The following SLC30A7 variants were observed in gnomAD, a reference collection of about 807,000 sequenced individuals.
SLC30A7 encodes solute carrier family 30 member 7, also known as zinc transporter 7.
SLC30A7 carries 35 observed loss-of-function variants against 46.0 expected under a neutral mutation model. The ratio of observed to expected loss-of-function variants is 0.76; its 90% CI spans 0.58 to 1.01. The LOEUF (loss-of-function observed/expected upper bound fraction) is 1.01, where lower values mean the gene tolerates loss of function less well. Among genes scored for constraint, SLC30A7 ranks in the 50% least tolerant of loss-of-function variants. The pLI is 0.00. For missense variants in SLC30A7, 464 were observed against 451.1 expected, an observed-to-expected ratio of 1.03 and a Z score of -0.26; for synonymous variants, 147 against 157.8, an observed-to-expected ratio of 0.93 and a Z score of 0.51.
chr1:100,967,832 A>G (rs1235003523), intron 10 of SLC30A7, among the ~76,000 whole-genome samples: 1 of 152,200 alleles, frequency 6.6e-6, no homozygotes, highest in South Asian at 2.1e-4. Context: ...GGACTGGGGA[A>G]AAAAAGCAAC....
chr1:100,936,039 C>T (rs1168489995), intron 8 of SLC30A7, among the ~76,000 whole-genome samples: 1 of 151,900 alleles, frequency 6.6e-6, no homozygotes, highest in Non-Finnish European at 1.5e-5. Flanking sequence ...TTATTAAAGG[C>T]TTACCAGATA....
intron 10 of SLC30A7, among the ~76,000 whole-genome samples, chr1:100,967,502 C>G (rs1249653332): frequency 6.6e-6 from 1 of 152,100 alleles, no homozygotes; most frequent in Non-Finnish European, 1.5e-5. Flanking sequence ...GACCCCTGAT[C>G]TAACACATAG....
the SLC30A7 span, chr1:100,990,715 A>G: frequency 5.0e-4 from 640 of 1,283,418 alleles, no homozygotes; most frequent in Non-Finnish European, 6.8e-4. Context: ...TACCACAAGT[A>G]CATTTCAAGA....
At chr1:100,897,902 T>G (rs1651068547) in intron 2 of SLC30A7, among the ~76,000 whole-genome samples, 1 of 152,224 alleles carries the variant, frequency 6.6e-6, no homozygotes, top group Non-Finnish European at 1.5e-5. Context: ...ATAGATTAAT[T>G]TTTTAATCCC....
rs147857679 is a variant in SLC30A7 at position 100,921,825 on chromosome 1, A to G, written c.826A>G (p.Ile276Val). 2.2e-5 allele frequency: 35 copies of G among 1,612,656 alleles called. No homozygotes were observed. Among genetic ancestry groups the G allele is most frequent in the African/African-American group, 4.0e-5 (3 of 74,894 alleles). Residue 276 changes from isoleucine (I) to valine (V), a missense_variant, in exon 8 of 11, where the codon ATT (isoleucine) becomes GTT (valine). By Grantham distance (29) the Ile-to-Val change is conservative. Coordinates refer to ENST00000357650, the MANE Select transcript of SLC30A7 (RefSeq NM_133496.5). The part of the protein sequence containing the change: ...ADPICSILIA[I>V]LIVVSVIPLL... ...TCCTATCTGTTCAATTCTTATAGCCATTCTTATAGTTGTAAGGTAAGTGTT... is the reference window on the plus strand; with the variant it reads ...TCCTATCTGTTCAATTCTTATAGCCGTTCTTATAGTTGTAAGGTAAGTGTT...
At chr1:100,983,146 A>C (rs1359648190), downstream of SLC30A7, among the ~76,000 whole-genome samples, 1 of 152,094 alleles carries the variant, frequency 6.6e-6, no homozygotes, top group Non-Finnish European at 1.5e-5. Flanking sequence ...CGAAACTTAA[A>C]TGCATTTCAT....
Position 100,961,911 on chromosome 1 carries a change from A to G in SLC30A7, c.926A>G (p.Tyr309Cys). 1.3e-6 allele frequency: 2 copies of G among 1,592,438 alleles called. No homozygotes were observed. The highest frequency in any genetic ancestry group is 1.7e-6 in the Non-Finnish European group (2 of 1,164,546). Residue 309 changes from tyrosine (Y) to cysteine (C), a missense_variant, in exon 9 of 11, where the codon TAT becomes TGT. Coordinates refer to ENST00000357650, the MANE Select transcript of SLC30A7 (RefSeq NM_133496.5). ...PLLENSLPQC[Y>C]QRVQQLQGVY... ...TTAGAAAATAGTCTGCCTCAGTGCT[A>G]TCAGAGGGTGAGTTTCAAATACTCC...
At chr1:100,964,409 A>G (rs1196786209) in intron 9 of SLC30A7, among the ~76,000 whole-genome samples, 2 of 146,968 alleles carry the variant, frequency 1.4e-5, no homozygotes, top group African/African-American at 5.2e-5. Flanking sequence ...GTGTATGTAT[A>G]TATATAGAGA....
intron 10 of SLC30A7, among the ~76,000 whole-genome samples, chr1:100,972,843 GATGA>G (rs1386693375): frequency 6.6e-6 from 1 of 151,908 alleles, no homozygotes; most frequent in Non-Finnish European, 1.5e-5. Context: ...TCAAATATTG[GATGA>G]ATATGTAACA....
intron 8 of SLC30A7, among the ~76,000 whole-genome samples, chr1:100,932,665 A>G (rs1478850317): frequency 1.3e-5 from 2 of 152,136 alleles, no homozygotes; most frequent in Non-Finnish European, 2.9e-5. Flanking sequence ...GTGTAGGTTC[A>G]TTTAAGGAAA....
At chr1:100,927,539 A>AG (rs1162640580) in intron 8 of SLC30A7, among the ~76,000 whole-genome samples, 2 of 152,170 alleles carry the variant, frequency 1.3e-5, no homozygotes, top group Admixed American at 1.3e-4. Flanking sequence ...TTTGCTGTAA[A>AG]GGGGAGCAGT....
chr1:100,908,026 C>T lies in SLC30A7; in HGVS notation c.296+1061C>T, dbSNP rs115556510. 9.5e-4 allele frequency among the ~76,000 whole-genome samples: 144 copies of T among 151,982 alleles called. 1 individual carries two copies. The highest frequency in any genetic ancestry group is 3.2e-3 in the African/African-American group (132 of 41,456). ...ATCTCTCCTCCTCCTCTTCTCTTAA[C>T]TTCTTTAGCTCTATTTCTTTTTTGT... On this transcript the variant is annotated intron_variant, in intron 3 of 10. Transcript: ENST00000357650.
intron 8 of SLC30A7, among the ~76,000 whole-genome samples, chr1:100,948,339 T>C (rs1431488249): frequency 1.3e-5 from 2 of 152,210 alleles, no homozygotes; most frequent in Admixed American, 6.5e-5. Flanking sequence ...GGGTTGAAAA[T>C]TCTTTTCTTT....
chr1:100,921,908 A>T, intron 8 of SLC30A7, 67 bp downstream of exon 8: 7 of 1,160,664 alleles, frequency 6.0e-6, no homozygotes, highest in African/African-American at 1.6e-5. Context: ...CTTAAATTAT[A>T]GGTCTAAAAT....
chr1:100,981,338 G>A lies in SLC30A7; in HGVS notation c.*6481G>A, dbSNP rs1445564731. On this transcript the variant is annotated 3_prime_UTR_variant, in exon 11 of 11. Transcript: ENST00000357650. The stretch of plus-strand genomic sequence containing the variant: ...TTTGTGAGTTTGATAAATAGGATGA[G>A]TCTTTTATATTGGAAATACTGTGAA... The A allele has an allele frequency of 6.6e-6, 1 of 152,072 alleles. No individual in the cohort carries two copies. The highest frequency in any genetic ancestry group is 1.9e-4 in the East Asian group (1 of 5,196). The allele number at this position is 152,072 out of a possible 1,614,324, so 9.4% of individuals were successfully genotyped here.
chr1:100,927,512 A>C (rs1461845568), intron 8 of SLC30A7, among the ~76,000 whole-genome samples: 1 of 152,004 alleles, frequency 6.6e-6, no homozygotes, highest in Non-Finnish European at 1.5e-5. Context: ...AACTAAGTCA[A>C]CTCCTTTTCA....
In SLC30A7 at chr1:100,975,013, G is replaced by T; in HGVS notation, c.*156G>T. 2 of 465,568 alleles carry T rather than the reference G, an allele frequency of 4.3e-6. No homozygotes were observed. The highest frequency in any genetic ancestry group is 6.5e-5 in the East Asian group (2 of 30,778). 28.8% of individuals were successfully genotyped at this position (465,568 alleles called of 1,614,324 possible). A position where few individuals can be genotyped will look rare whatever the true frequency, so the allele number is the denominator to read the frequency against. On this transcript the variant is annotated 3_prime_UTR_variant, in exon 11 of 11. Transcript: ENST00000357650. ...AGAGTCAGCCGTTCATGCTTTGTGGGGAGTTCACAGCTAAGGGATCAGATT... is the reference window on the plus strand; with the variant it reads ...AGAGTCAGCCGTTCATGCTTTGTGGTGAGTTCACAGCTAAGGGATCAGATT...
intron 8 of SLC30A7, among the ~76,000 whole-genome samples, chr1:100,958,325 G>A (rs1217736778): frequency 6.6e-6 from 1 of 151,894 alleles, no homozygotes. Flanking sequence ...CACAGGCGCC[G>A]GCCATCACGC....
chr1:100,945,126 TG>T (rs1226622291), intron 8 of SLC30A7, among the ~76,000 whole-genome samples: 2 of 152,216 alleles, frequency 1.3e-5, no homozygotes, highest in African/African-American at 4.8e-5. Context: ...TCCCACTTTT[TG>T]ATGGGGTTGT....
Sources: gnomAD v4.1 joint callset for allele counts (sites outside exome capture counted in the v4.1 genomes callset) on GRCh38, gnomAD v4.1.1 for gene constraint, MANE v1.5 for transcripts, NCBI Gene and HGNC (gene_info 2026-07-23, HGNC 2026-07-21) for gene names.